LRMDA: variants seen among roughly 807,000 people sequenced by gnomAD.
LRMDA encodes the protein leucine rich melanocyte differentiation associated.
A neutral mutation model predicts 29.8 loss-of-function variants in LRMDA; 18 were observed. The observed-to-expected ratio is 0.60, with a 90% CI of 0.42 to 0.90. LRMDA has a LOEUF of 0.90. Ranked by LOEUF, LRMDA falls within the 40% of genes least tolerant of loss-of-function variation. The pLI is 0.00. For synonymous variants in LRMDA, 125 were observed against 109.4 expected, an observed-to-expected ratio of 1.14 and a Z score of -0.89; for missense variants, 273 against 273.9, an observed-to-expected ratio of 1.00 and a Z score of 0.02.
At chr10:75,584,564 T>C (rs1165339016) in intron 2 of LRMDA, among the ~76,000 whole-genome samples, 2 of 152,160 alleles carry the variant, frequency 1.3e-5, no homozygotes, top group Non-Finnish European at 2.9e-5. Flanking sequence ...AATGCAGAAA[T>C]CATTCAGAGA....
intron 5 of LRMDA, among the ~76,000 whole-genome samples, chr10:76,290,491 C>T (rs1589413404): frequency 7.7e-6 from 1 of 130,074 alleles, no homozygotes; most frequent in African/African-American, 2.9e-5. Context: ...GGTGCGATTT[C>T]AGCTCATTGT....
At chr10:76,391,141 A>G (rs75606702) in intron 6 of LRMDA, among the ~76,000 whole-genome samples, 3,828 of 152,304 alleles carry the variant, frequency 0.025, 165 homozygotes, top group African/African-American at 0.085. Flanking sequence ...CCTAAAATGC[A>G]TGTTGGCAGA....
intron 5 of LRMDA, among the ~76,000 whole-genome samples, chr10:76,246,099 A>G (rs1589392368): frequency 6.6e-6 from 1 of 152,202 alleles, no homozygotes; most frequent in Non-Finnish European, 1.5e-5. Flanking sequence ...AAACTCTACC[A>G]AAGTTCACAG....
At chr10:75,692,790 G>C (rs1044658700) in intron 2 of LRMDA, among the ~76,000 whole-genome samples, 1 of 152,098 alleles carries the variant, frequency 6.6e-6, no homozygotes, top group Non-Finnish European at 1.5e-5. Flanking sequence ...CTGGTGGAGA[G>C]GGGAGAATGG....
At chr10:76,432,102 C>T (rs568172954) in intron 6 of LRMDA, among the ~76,000 whole-genome samples, 1 of 152,284 alleles carries the variant, frequency 6.6e-6, no homozygotes, top group East Asian at 1.9e-4. Context: ...CTTAATTTCC[C>T]TTTGTAAAAC....
At chr10:76,180,470 G>T (rs901713553) in intron 5 of LRMDA, among the ~76,000 whole-genome samples, 6 of 151,628 alleles carry the variant, frequency 4.0e-5, no homozygotes, top group African/African-American at 1.5e-4. Flanking sequence ...TAGTAGAGAT[G>T]GGGTTTCACC....
intron 2 of LRMDA, among the ~76,000 whole-genome samples, chr10:75,722,489 G>A (rs1191125548): frequency 6.6e-6 from 1 of 152,078 alleles, no homozygotes; most frequent in African/African-American, 2.4e-5. Context: ...TAAATGAAGA[G>A]TTACTTTCTA....
At chr10:75,745,084 G>C (rs1179596200) in intron 2 of LRMDA, among the ~76,000 whole-genome samples, 1 of 152,182 alleles carries the variant, frequency 6.6e-6, no homozygotes, top group Admixed American at 6.5e-5. Flanking sequence ...TCCAGCATAA[G>C]CTCCATCTTA....
Position 76,117,083 on chromosome 10 carries a change from G to A in LRMDA, c.516+58300G>A, listed in dbSNP as rs542620485. 2.5e-4 allele frequency among the ~76,000 whole-genome samples: 38 copies of A among 152,230 alleles called. 1 individual carries two copies. In the South Asian group the frequency reaches 7.9e-3, roughly 32 times the overall value. Reference sequence around the variant, plus strand: ...TCTCTAATGCAGGAGTTTACAAATTGGAAATCTTTGCTAGCTAGGAAAAAG... The same window carrying A: ...TCTCTAATGCAGGAGTTTACAAATTAGAAATCTTTGCTAGCTAGGAAAAAG... On this transcript the variant is annotated intron_variant, in intron 5 of 6. Coordinates refer to ENST00000611255, the MANE Select transcript of LRMDA (RefSeq NM_001305581.2).
At chr10:76,056,401 G>A (rs767606765) in intron 4 of LRMDA, among the ~76,000 whole-genome samples, 2 of 152,232 alleles carry the variant, frequency 1.3e-5, no homozygotes, top group Non-Finnish European at 2.9e-5. Flanking sequence ...GCCTGATGGT[G>A]GGGTTTCACC....
chr10:75,730,840 A>G (rs1842688187), intron 2 of LRMDA, among the ~76,000 whole-genome samples: 1 of 152,096 alleles, frequency 6.6e-6, no homozygotes, highest in African/African-American at 2.4e-5. Context: ...TTTTCTATAT[A>G]AAATTAAATA....
At chr10:75,703,544 T>G (rs1842333055) in intron 2 of LRMDA, among the ~76,000 whole-genome samples, 1 of 152,234 alleles carries the variant, frequency 6.6e-6, no homozygotes, top group South Asian at 2.1e-4. Context: ...TCCTTCTACT[T>G]AGCATGGATT....
chr10:75,888,290 T>C (rs1310204902), intron 2 of LRMDA, among the ~76,000 whole-genome samples: 3 of 152,216 alleles, frequency 2.0e-5, no homozygotes, highest in Admixed American at 6.5e-5. Flanking sequence ...CCGCGTATGA[T>C]GAGTTCGTGA....
At chr10:75,975,694 A>T (rs1027078232) in intron 2 of LRMDA, among the ~76,000 whole-genome samples, 1 of 152,184 alleles carries the variant, frequency 6.6e-6, no homozygotes, top group Non-Finnish European at 1.5e-5. Context: ...TGTTGTGTGT[A>T]TTAGGCTGCT....
At chr10:75,802,085 G>A (rs1843752793) in intron 2 of LRMDA, among the ~76,000 whole-genome samples, 1 of 152,118 alleles carries the variant, frequency 6.6e-6, no homozygotes, top group Non-Finnish European at 1.5e-5. Flanking sequence ...GGCATGCTGA[G>A]GCAGGAGGAC....
chr10:76,317,983 AG>A (rs1174902626), intron 5 of LRMDA, among the ~76,000 whole-genome samples: 6 of 152,352 alleles, frequency 3.9e-5, no homozygotes, highest in African/African-American at 1.4e-4. Context: ...ACTTAATGCT[AG>A]GTAATTAATA....
At chr10:75,935,824 G>A (rs994251414) in intron 2 of LRMDA, among the ~76,000 whole-genome samples, 1 of 152,090 alleles carries the variant, frequency 6.6e-6, no homozygotes, top group Non-Finnish European at 1.5e-5. Context: ...CTGCTGGCAG[G>A]CCTGCCCTCC....
intron 2 of LRMDA, among the ~76,000 whole-genome samples, chr10:75,462,286 C>T (rs980089167): frequency 1.3e-5 from 2 of 152,228 alleles, no homozygotes; most frequent in Admixed American, 6.5e-5. Context: ...TTTTAAGTCT[C>T]GTGTGTCAAC....
At chr10:76,514,630 T>G (rs1907321) in intron 6 of LRMDA, among the ~76,000 whole-genome samples, 143,573 of 152,112 alleles carry the variant, frequency 0.94, 68,279 homozygotes, top group Non-Finnish European at 0.99. Flanking sequence ...ATTTTTGCAT[T>G]ATTTGAACTT....
Sources: allele counts gnomAD v4.1 joint callset (sites outside exome capture counted in the v4.1 genomes callset), GRCh38; gene constraint gnomAD v4.1.1; transcripts MANE v1.5; gene names NCBI Gene and HGNC (gene_info 2026-07-23, HGNC 2026-07-21).